The following RBFOX1 variants were observed in gnomAD, a reference collection of about 807,000 sequenced individuals.
The protein encoded by RBFOX1 is RNA binding protein fox-1 homolog 1.
RBFOX1 carries 8 observed loss-of-function variants against 57.7 expected under a neutral mutation model. That is an observed-to-expected ratio of 0.14 (90% CI 0.08 to 0.25). The LOEUF (loss-of-function observed/expected upper bound fraction) is 0.25, where lower values mean the gene tolerates loss of function less well. Ranked by LOEUF, RBFOX1 falls within the 10% of genes least tolerant of loss-of-function variation. The pLI is 1.00. For synonymous variants in RBFOX1, 326 were observed against 222.4 expected (o/e 1.47, Z -4.15); for missense variants, 611 against 548.5 (o/e 1.11, Z -1.14).
intron 3 of RBFOX1, among the ~76,000 whole-genome samples, chr16:6,930,359 A>G (rs866336816): frequency 7.2e-5 from 11 of 152,122 alleles, no homozygotes; most frequent in African/African-American, 1.2e-4. Flanking sequence ...AGAAATGCAA[A>G]TCAAAGTCAC....
chr16:5,665,104 G>A (rs961713941), intron 3 of RBFOX1, among the ~76,000 whole-genome samples: 2 of 140,946 alleles, frequency 1.4e-5, no homozygotes, highest in African/African-American at 5.5e-5. Flanking sequence ...CACCACCATG[G>A]CTGGCTAACT....
chr16:7,196,686 C>G (rs543061473), intron 4 of RBFOX1, among the ~76,000 whole-genome samples: 5,275 of 152,178 alleles, frequency 0.035, 109 homozygotes, highest in Non-Finnish European at 0.042. Context: ...AAGTAAAATG[C>G]AAAGGCATCT....
chr16:6,186,706 G>A (rs2152802246), intron 1 of RBFOX1, among the ~76,000 whole-genome samples: 1 of 152,266 alleles, frequency 6.6e-6, no homozygotes, highest in Non-Finnish European at 1.5e-5. Flanking sequence ...CCATAGCAAT[G>A]GGCATGTCTG....
At chr16:6,689,630 C>G (rs1314862632) in intron 3 of RBFOX1, among the ~76,000 whole-genome samples, 1 of 152,110 alleles carries the variant, frequency 6.6e-6, no homozygotes, top group Non-Finnish European at 1.5e-5. Context: ...TTTATATCTT[C>G]CTGAATGTAG....
intron 3 of RBFOX1, among the ~76,000 whole-genome samples, chr16:6,858,926 A>G (rs933492866): frequency 9.9e-5 from 15 of 151,644 alleles, no homozygotes; most frequent in African/African-American, 3.4e-4. Context: ...CTGCATTTCT[A>G]AAGGAAGATA....
At position 7,210,684 on chromosome 16, in the gene RBFOX1, T is replaced by G. The variant is rs551402941; in HGVS notation, c.27+158586T>G. Among the ~76,000 whole-genome samples the G allele has an allele frequency of 3.3e-5, 5 of 152,312 alleles. 1 individual carries two copies. The South Asian group carries it at 1.0e-3, about 32-fold the overall frequency. On this transcript the variant is annotated intron_variant, in intron 4 of 15. Transcript: ENST00000550418. Reference sequence around the variant, plus strand: ...CAGGCATGCTGTTAAAGTTCTTACATGTGTTTTCTAATTTACAACATTGTT... The same window carrying G: ...CAGGCATGCTGTTAAAGTTCTTACAGGTGTTTTCTAATTTACAACATTGTT...
chr16:6,736,810 A>G (rs752983013), intron 3 of RBFOX1, among the ~76,000 whole-genome samples: 1 of 152,186 alleles, frequency 6.6e-6, no homozygotes, highest in African/African-American at 2.4e-5. Flanking sequence ...GGAATGCTGT[A>G]TTCATACATC....
intron 4 of RBFOX1, among the ~76,000 whole-genome samples, chr16:7,194,894 C>T (rs998266843): frequency 5.5e-5 from 8 of 145,426 alleles, no homozygotes; most frequent in African/African-American, 2.1e-4. Flanking sequence ...TGCCACTGCA[C>T]TCCAGCTTGG....
At chr16:5,769,342 T>C (rs1045508164) in intron 3 of RBFOX1, among the ~76,000 whole-genome samples, 7 of 151,904 alleles carry the variant, frequency 4.6e-5, no homozygotes, top group African/African-American at 1.5e-4. Context: ...GGTGTCCTTA[T>C]AAGGAGGAGA....
At chr16:5,763,124 A>G (rs2053645068) in intron 3 of RBFOX1, among the ~76,000 whole-genome samples, 1 of 152,214 alleles carries the variant, frequency 6.6e-6, no homozygotes, top group South Asian at 2.1e-4. Flanking sequence ...TAGAACATAA[A>G]TGCGCCCAAC....
rs1231070136 is a variant in RBFOX1 at position 6,539,033 on chromosome 16, A to G, written c.-63-115570A>G. ...TTTACTGTCTCATGTGGAGTGTCCT[A>G]TATGATTTGAATAAAAGTCCCACTC... On this transcript the variant is annotated intron_variant, in intron 2 of 15. Coordinates refer to ENST00000550418, the MANE Select transcript of RBFOX1 (RefSeq NM_018723.4). 3.3e-5 allele frequency among the ~76,000 whole-genome samples: 5 copies of G among 152,054 alleles called. No homozygotes were observed. The South Asian group carries it at 8.3e-4, about 25-fold the overall frequency.
chr16:7,315,388 T>A (rs896258733), intron 4 of RBFOX1, among the ~76,000 whole-genome samples: 1 of 151,770 alleles, frequency 6.6e-6, no homozygotes, highest in African/African-American at 2.4e-5. Flanking sequence ...GTCATTTTAG[T>A]AGAATTCTGA....
At chr16:5,530,967 A>G (rs2044452502) in intron 2 of RBFOX1, among the ~76,000 whole-genome samples, 1 of 107,706 alleles carries the variant, frequency 9.3e-6, no homozygotes, top group Non-Finnish European at 1.9e-5. Flanking sequence ...AAAAAAAAAA[A>G]AAAAAAAATT....
chr16:7,240,976 C>T (rs1172706447), intron 4 of RBFOX1, among the ~76,000 whole-genome samples: 1 of 152,232 alleles, frequency 6.6e-6, no homozygotes, highest in African/African-American at 2.4e-5. Flanking sequence ...TTTTCCCCCA[C>T]ACCTTCCCAA....
chr16:6,043,712 T>C (rs999599961), intron 1 of RBFOX1, among the ~76,000 whole-genome samples: 2 of 152,160 alleles, frequency 1.3e-5, no homozygotes, highest in African/African-American at 4.8e-5. Context: ...CCTGCTCTTT[T>C]CCCAGGAAGC....
chr16:6,634,034 T>G (rs889948683), intron 2 of RBFOX1, among the ~76,000 whole-genome samples: 2 of 152,042 alleles, frequency 1.3e-5, no homozygotes, highest in African/African-American at 4.8e-5. Context: ...CCAGGCTTTG[T>G]GTAAACCGAT....
At chr16:6,861,534 T>A (rs983391101) in intron 3 of RBFOX1, among the ~76,000 whole-genome samples, 3 of 148,026 alleles carry the variant, frequency 2.0e-5, no homozygotes, top group South Asian at 2.3e-4. Flanking sequence ...CTCTCAATGT[T>A]CCTTTAACTG....
intron 3 of RBFOX1, among the ~76,000 whole-genome samples, chr16:7,028,160 A>G (rs2153686207): frequency 6.6e-6 from 1 of 152,256 alleles, no homozygotes; most frequent in Middle Eastern, 3.4e-3. Flanking sequence ...CAATATAATA[A>G]TTGGCTTACA....
intron 3 of RBFOX1, among the ~76,000 whole-genome samples, chr16:6,822,612 T>C (rs766811426): frequency 6.6e-6 from 1 of 152,242 alleles, no homozygotes; most frequent in African/African-American, 2.4e-5. Flanking sequence ...ATCTAAGTTA[T>C]GGCAGATGAA....
Sources: allele counts gnomAD v4.1 joint callset (sites outside exome capture counted in the v4.1 genomes callset), GRCh38; gene constraint gnomAD v4.1.1; transcripts MANE v1.5; gene names NCBI Gene and HGNC (gene_info 2026-07-23, HGNC 2026-07-21).